The following SPRYD7 variants were observed in gnomAD, a reference collection of about 807,000 sequenced individuals.
SPRYD7 encodes SPRY domain containing 7.
In SPRYD7, 14 loss-of-function variants were observed where a neutral mutation model predicts 23.8. The ratio of observed to expected loss-of-function variants is 0.59; its 90% CI spans 0.39 to 0.92. The LOEUF (loss-of-function observed/expected upper bound fraction) is 0.92. Among genes scored for constraint, SPRYD7 ranks in the 40% least tolerant of loss-of-function variants. The pLI is 0.00. For missense variants in SPRYD7, 194 were observed against 241.7 expected (o/e 0.80, Z 1.31); for synonymous variants, 75 against 84.9 (o/e 0.88, Z 0.64).
At chr13:49,916,410 T>C (rs1955751849) in intron 4 of SPRYD7, among the ~76,000 whole-genome samples, 1 of 151,794 alleles carries the variant, frequency 6.6e-6, no homozygotes, top group Non-Finnish European at 1.5e-5. Context: ...AAGTCACCAG[T>C]GATTTTAACA....
At position 49,936,286 on chromosome 13, in the gene SPRYD7, C is replaced by A. The variant is rs767388795; in HGVS notation, c.-51G>T. On this transcript the variant is annotated 5_prime_UTR_variant, in exon 1 of 5. Coordinates refer to ENST00000361840, the MANE Select transcript of SPRYD7 (RefSeq NM_020456.4). ...CCGTCCCTAGACCGAGGCGACACTG[C>A]CCCCCGCCGCTCAGCTCCGTCTCCT... 6 of 1,344,246 alleles carry A rather than the reference C, an allele frequency of 4.5e-6. No individual in the cohort carries two copies. The Admixed American group carries it at 1.0e-4, about 23-fold the overall frequency. The allele number at this position is 1,344,246 out of a possible 1,614,324, so 83.3% of individuals were successfully genotyped here. A position where few individuals can be genotyped will look rare whatever the true frequency, so the allele number is the denominator to read the frequency against.
At chr13:49,919,821 GAA>G (rs1955798071) in intron 4 of SPRYD7, among the ~76,000 whole-genome samples, 2 of 129,306 alleles carry the variant, frequency 1.5e-5, no homozygotes, top group Admixed American at 7.6e-5. Flanking sequence ...AAAAAAAAAA[GAA>G]AGAGACCTTT....
At chr13:49,917,024 G>C (rs1312781228) in intron 4 of SPRYD7, among the ~76,000 whole-genome samples, 3 of 152,204 alleles carry the variant, frequency 2.0e-5, no homozygotes, top group African/African-American at 7.2e-5. Flanking sequence ...AGAATGCATA[G>C]ACATGCACAA....
chr13:49,933,533 C>T (rs947028269), intron 1 of SPRYD7, among the ~76,000 whole-genome samples: 4 of 148,556 alleles, frequency 2.7e-5, no homozygotes, highest in South Asian at 2.1e-4. Flanking sequence ...ACCCAGGAGG[C>T]GGAGGTTGCA....
At chr13:49,930,184 T>C (rs1217646148) in intron 2 of SPRYD7, among the ~76,000 whole-genome samples, 1 of 152,166 alleles carries the variant, frequency 6.6e-6, no homozygotes, top group Non-Finnish European at 1.5e-5. Context: ...TGCTTTACAG[T>C]TCAAGAAACT....
At chr13:49,936,052 C>T in intron 1 of SPRYD7, 78 bp downstream of exon 1, 2 of 1,011,616 alleles carry the variant, frequency 2.0e-6, no homozygotes, top group Admixed American at 6.2e-5. Context: ...CGTGGGGACC[C>T]TCTGACCCTG....
intron 4 of SPRYD7, among the ~76,000 whole-genome samples, chr13:49,916,540 C>A (rs1955753327): frequency 6.6e-6 from 1 of 151,038 alleles, no homozygotes; most frequent in Non-Finnish European, 1.5e-5. Context: ...ATACAACAAA[C>A]CCCCCACCGT....
intron 4 of SPRYD7, among the ~76,000 whole-genome samples, chr13:49,917,614 CAATTTATGAAATAT>C (rs1406843995): frequency 6.6e-6 from 1 of 152,114 alleles, no homozygotes; most frequent in Admixed American, 6.5e-5. Flanking sequence ...TTTATGAGTT[CAATTTATGAAATAT>C]AATTTAGTAT....
At chr13:49,917,579 A>G (rs1214274195) in intron 4 of SPRYD7, among the ~76,000 whole-genome samples, 3 of 152,244 alleles carry the variant, frequency 2.0e-5, no homozygotes, top group Non-Finnish European at 4.4e-5. Flanking sequence ...TCAGGCTATT[A>G]AAACACTTGG....
At chr13:49,920,714 A>C (rs1391096558) in intron 4 of SPRYD7, among the ~76,000 whole-genome samples, 1 of 152,200 alleles carries the variant, frequency 6.6e-6, no homozygotes, top group Admixed American at 6.5e-5. Flanking sequence ...TAATCCCAGC[A>C]CTTTGGGAGG....
chr13:49,926,191 C>T (rs974145869), intron 3 of SPRYD7, among the ~76,000 whole-genome samples: 4 of 152,084 alleles, frequency 2.6e-5, no homozygotes, highest in Admixed American at 2.6e-4. Flanking sequence ...TATGAAAACT[C>T]GAAGTCTAAT....
In SPRYD7 at chr13:49,931,014, C is replaced by T; in HGVS notation, c.223+4G>A. The T allele has an allele frequency of 6.3e-7, 1 of 1,588,160 alleles. No homozygotes were observed. The highest frequency in any genetic ancestry group is 8.6e-7 in the Non-Finnish European group (1 of 1,160,418). ...TTTTAATAGTAAAGTACCATTATAC[C>T]AACCTGTGGACTGGATTTTGAATTC... is the stretch of plus-strand genomic sequence containing the variant. On this transcript the variant is annotated splice_donor_region_variant and intron_variant, in intron 2 of 4. Coordinates refer to ENST00000361840, the MANE Select transcript of SPRYD7 (RefSeq NM_020456.4).
chr13:49,936,187 TC>T lies in SPRYD7; in HGVS notation c.48del (p.Thr17LeufsTer6). 1 of 1,609,500 alleles carries T rather than the reference TC, an allele frequency of 6.2e-7. No individual in the cohort carries two copies. Among genetic ancestry groups the T allele is most frequent in the Non-Finnish European group, 8.5e-7 (1 of 1,178,928 alleles). Reference sequence around the variant, plus strand: ...ATCTCCTTCAGAGGGATGTGGCCAGTCCCCCCGTCTCTGCAGCACCGCAGGC... The same window carrying T: ...ATCTCCTTCAGAGGGATGTGGCCAGTCCCCCGTCTCTGCAGCACCGCAGGC... ...LCCLRCCRDG[G>X]TGHIPLKEMP... On this transcript the variant is annotated frameshift_variant, in exon 1 of 5. Transcript: ENST00000361840. LOFTEE classifies it high-confidence loss of function.
intron 4 of SPRYD7, among the ~76,000 whole-genome samples, chr13:49,921,177 T>C (rs1955814939): frequency 6.6e-6 from 1 of 152,100 alleles, no homozygotes; most frequent in Non-Finnish European, 1.5e-5. Flanking sequence ...CATGCTGTTC[T>C]TGTAAAAGTG....
intron 4 of SPRYD7, 57 bp from the exon 5 acceptor site, chr13:49,915,217 AATAC>A (rs1424685133): frequency 1.4e-6 from 1 of 730,028 alleles, no homozygotes; most frequent in Non-Finnish European, 2.3e-6. Context: ...AATTTCAATG[AATAC>A]ATAATTATAA....
chr13:49,924,456 TTTTA>T (rs887358638), intron 3 of SPRYD7, among the ~76,000 whole-genome samples: 18 of 152,074 alleles, frequency 1.2e-4, no homozygotes, highest in East Asian at 3.9e-4. Flanking sequence ...TCTTTTTAAA[TTTTA>T]TTTATTTATT....
chr13:49,936,297 T>A lies in SPRYD7; in HGVS notation c.-62A>T. The A allele has an allele frequency of 8.1e-7, 1 of 1,242,230 alleles. No individual in the cohort carries two copies. Among genetic ancestry groups the A allele is most frequent in the South Asian group, 1.4e-5 (1 of 73,914 alleles). The allele number at this position is 1,242,230 out of a possible 1,614,324, so 77.0% of individuals were successfully genotyped here. ...CCGAGGCGACACTGCCCCCCGCCGC[T>A]CAGCTCCGTCTCCTGCCCCCGCCCG... is the stretch of plus-strand genomic sequence containing the variant. On this transcript the variant is annotated 5_prime_UTR_variant, in exon 1 of 5. Coordinates refer to ENST00000361840, the MANE Select transcript of SPRYD7 (RefSeq NM_020456.4).
chr13:49,933,492 C>T (rs1871473633), intron 1 of SPRYD7, among the ~76,000 whole-genome samples: 2 of 151,524 alleles, frequency 1.3e-5, no homozygotes, highest in Non-Finnish European at 2.9e-5. Context: ...GTCCCAGCTA[C>T]TCAGGAGGCT....
Position 49,936,298 on chromosome 13 carries a change from C to G in SPRYD7, c.-63G>C. Reference sequence around the variant, plus strand: ...CGAGGCGACACTGCCCCCCGCCGCTCAGCTCCGTCTCCTGCCCCCGCCCGA... The same window carrying G: ...CGAGGCGACACTGCCCCCCGCCGCTGAGCTCCGTCTCCTGCCCCCGCCCGA... On this transcript the variant is annotated 5_prime_UTR_variant, in exon 1 of 5. Transcript: ENST00000361840. 8.0e-7 allele frequency: 1 copy of G among 1,245,426 alleles called. No individual in the cohort carries two copies. Among genetic ancestry groups the G allele is most frequent in the Admixed American group, 2.1e-5 (1 of 46,658 alleles). 77.1% of individuals were successfully genotyped at this position (1,245,426 alleles called of 1,614,324 possible).
Sources: gnomAD v4.1 joint callset for allele counts (sites outside exome capture counted in the v4.1 genomes callset) on GRCh38, gnomAD v4.1.1 for gene constraint, MANE v1.5 for transcripts, NCBI Gene and HGNC (gene_info 2026-07-23, HGNC 2026-07-21) for gene names.